Variants in RBFOX1 observed in about 807,000 individuals in gnomAD.
The protein encoded by RBFOX1 is RNA binding protein fox-1 homolog 1.
RBFOX1 carries 8 observed loss-of-function variants against 57.7 expected under a neutral mutation model. The ratio of observed to expected loss-of-function variants is 0.14; its 90% CI spans 0.08 to 0.25. The LOEUF (loss-of-function observed/expected upper bound fraction) is 0.25. RBFOX1 is among the 10% of genes least tolerant of loss of function. The pLI, the probability that RBFOX1 is intolerant of heterozygous loss-of-function variation, is 1.00. For synonymous variants in RBFOX1, 326 were observed against 222.4 expected (o/e 1.47, Z -4.15); for missense variants, 611 against 548.5 (o/e 1.11, Z -1.14).
rs578050701 is a variant in RBFOX1, at chr16:7,118,502, C to T, written c.27+66404C>T. ...AGGTATGCAATTCAGTTGACAGGTA[C>T]ACTCAAAGCCAAGCCTTCCCCACTA... On this transcript the variant is annotated intron_variant, in intron 4 of 15. Coordinates refer to ENST00000550418, the MANE Select transcript of RBFOX1 (RefSeq NM_018723.4). Among the ~76,000 whole-genome samples, 34 of 152,248 alleles carry T rather than the reference C, an allele frequency of 2.2e-4. 2 individuals carry two copies. The highest frequency in any genetic ancestry group is 2.1e-3 in the Admixed American group (32 of 15,268).
At chr16:5,824,312 C>T (rs1335573372) in intron 3 of RBFOX1, among the ~76,000 whole-genome samples, 2 of 152,124 alleles carry the variant, frequency 1.3e-5, no homozygotes, top group African/African-American at 4.8e-5. Flanking sequence ...GGGCTGCCTC[C>T]CTCTTTTTTG....
intron 4 of RBFOX1, among the ~76,000 whole-genome samples, chr16:5,874,567 G>T (rs1030782462): frequency 6.6e-6 from 1 of 152,104 alleles, no homozygotes; most frequent in Non-Finnish European, 1.5e-5. Flanking sequence ...ACATTTTGAA[G>T]GAGAAGGAAG....
intron 4 of RBFOX1, among the ~76,000 whole-genome samples, chr16:7,272,952 C>T (rs995889342): frequency 7.3e-6 from 1 of 136,778 alleles, no homozygotes; most frequent in Admixed American, 7.4e-5. Context: ...TCCCTGCTTT[C>T]TTCCTTTTCC....
intron 3 of RBFOX1, among the ~76,000 whole-genome samples, chr16:7,002,498 G>A (rs1342057099): frequency 6.6e-6 from 1 of 152,166 alleles, no homozygotes; most frequent in African/African-American, 2.4e-5. Flanking sequence ...CGGATCATGA[G>A]GTCAGGAGTT....
chr16:7,387,375 G>C (rs1414890749), intron 4 of RBFOX1, among the ~76,000 whole-genome samples: 1 of 152,160 alleles, frequency 6.6e-6, no homozygotes. Context: ...GAGAGGATGT[G>C]GATTCTCTAA....
chr16:5,533,275 A>G (rs1343157924), intron 2 of RBFOX1, among the ~76,000 whole-genome samples: 2 of 152,194 alleles, frequency 1.3e-5, no homozygotes, highest in African/African-American at 4.8e-5. Context: ...ATTCAACTCT[A>G]ATGCTTTGAG....
intron 4 of RBFOX1, among the ~76,000 whole-genome samples, chr16:5,868,240 G>A (rs1169259485): frequency 6.6e-6 from 1 of 152,212 alleles, no homozygotes; most frequent in Non-Finnish European, 1.5e-5. Context: ...AAAGAACACT[G>A]ACCCAGGTCC....
At chr16:6,644,712 G>A (rs1403980271) in intron 2 of RBFOX1, among the ~76,000 whole-genome samples, 1 of 152,128 alleles carries the variant, frequency 6.6e-6, no homozygotes, top group Non-Finnish European at 1.5e-5. Context: ...CAATTTAGAG[G>A]TTTTCAGGGG....
chr16:6,373,761 G>C (rs1426663262), intron 2 of RBFOX1, among the ~76,000 whole-genome samples: 1 of 152,102 alleles, frequency 6.6e-6, no homozygotes, highest in Non-Finnish European at 1.5e-5. Flanking sequence ...TGACGATAAA[G>C]GATCATTATG....
chr16:6,040,574 C>G (rs184486759), intron 1 of RBFOX1, among the ~76,000 whole-genome samples: 1 of 135,414 alleles, frequency 7.4e-6, no homozygotes, highest in Non-Finnish European at 1.6e-5. Flanking sequence ...CTTTCTTTCT[C>G]TCTCTCTCTC....
chr16:6,080,252 T>C (rs1005046931), intron 1 of RBFOX1, among the ~76,000 whole-genome samples: 1 of 152,130 alleles, frequency 6.6e-6, no homozygotes, highest in African/African-American at 2.4e-5. Flanking sequence ...GCAATGTTGA[T>C]CTCGTGTGGA....
intron 4 of RBFOX1, among the ~76,000 whole-genome samples, chr16:7,197,698 G>C (rs2087092721): frequency 6.6e-6 from 1 of 152,146 alleles, no homozygotes; most frequent in South Asian, 2.1e-4. Flanking sequence ...CAGGTGTGTG[G>C]ATAAACTAAA....
chr16:7,217,672 T>C (rs28633291), intron 4 of RBFOX1, among the ~76,000 whole-genome samples: 6,824 of 152,234 alleles, frequency 0.045, 180 homozygotes, highest in South Asian at 0.086. Context: ...TTTTTAATCA[T>C]AGGGGGAAGG....
intron 3 of RBFOX1, among the ~76,000 whole-genome samples, chr16:6,941,093 C>G (rs975689756): frequency 6.6e-6 from 1 of 151,940 alleles, no homozygotes; most frequent in Non-Finnish European, 1.5e-5. Flanking sequence ...GGTAGTTAAA[C>G]AGGAAAGAGT....
chr16:5,891,495 TTCAG>T (rs1452019641), intron 4 of RBFOX1, among the ~76,000 whole-genome samples: 1 of 152,214 alleles, frequency 6.6e-6, no homozygotes, highest in Non-Finnish European at 1.5e-5. Context: ...AACTAATTGT[TTCAG>T]TCAGAGTATT....
intron 2 of RBFOX1, among the ~76,000 whole-genome samples, chr16:6,371,500 A>G (rs373627475): frequency 3.9e-5 from 6 of 152,186 alleles, no homozygotes; most frequent in African/African-American, 1.2e-4. Context: ...AGCCCCTTCA[A>G]GCTGGCTCCT....
intron 3 of RBFOX1, among the ~76,000 whole-genome samples, chr16:6,898,174 C>T (rs872772): frequency 0.34 from 51,940 of 152,078 alleles, 11,325 homozygotes; most frequent in African/African-American, 0.62. Flanking sequence ...TCGTAGCCAA[C>T]GGCATTAAGA....
At chr16:6,663,164 G>A (rs1048078201) in intron 3 of RBFOX1, among the ~76,000 whole-genome samples, 1 of 152,172 alleles carries the variant, frequency 6.6e-6, no homozygotes, top group African/African-American at 2.4e-5. Flanking sequence ...AGGAGATGGG[G>A]AGGAGGAAGG....
chr16:7,004,930 G>C (rs907101666), intron 3 of RBFOX1, among the ~76,000 whole-genome samples: 7 of 152,148 alleles, frequency 4.6e-5, no homozygotes, highest in Non-Finnish European at 7.3e-5. Context: ...GATCACTTGA[G>C]GTCAGGAGTT....
Sources: allele counts gnomAD v4.1 joint callset (sites outside exome capture counted in the v4.1 genomes callset), GRCh38; gene constraint gnomAD v4.1.1; transcripts MANE v1.5; gene names NCBI Gene and HGNC (gene_info 2026-07-23, HGNC 2026-07-21).